ADCY1: variants seen among roughly 807,000 people sequenced by gnomAD.
ADCY1 encodes the protein adenylate cyclase type 1.
ADCY1 carries 28 observed loss-of-function variants against 105.4 expected under a neutral mutation model. The observed-to-expected ratio is 0.27, with a 90% CI of 0.20 to 0.36. The LOEUF is 0.36. Among genes scored for constraint, ADCY1 ranks in the 10% least tolerant of loss-of-function variants. ADCY1 has a pLI of 1.00. For synonymous variants in ADCY1, 655 were observed against 623.8 expected (o/e 1.05, Z -0.75); for missense variants, 977 against 1,434.2 (o/e 0.68, Z 5.15).
At chr7:45,643,441 C>T (rs1327695375) in intron 4 of ADCY1, among the ~76,000 whole-genome samples, 1 of 151,860 alleles carries the variant, frequency 6.6e-6, no homozygotes, top group Non-Finnish European at 1.5e-5. Flanking sequence ...ATAACATTGC[C>T]AATATTATTT....
intron 17 of ADCY1, among the ~76,000 whole-genome samples, chr7:45,707,722 G>A (rs745768971): frequency 2.0e-5 from 3 of 152,112 alleles, no homozygotes; most frequent in Non-Finnish European, 4.4e-5. Context: ...GTCACACTTA[G>A]GTAAGATGTT....
chr7:45,692,521 T>A (rs1159906357), intron 14 of ADCY1, among the ~76,000 whole-genome samples: 1 of 152,174 alleles, frequency 6.6e-6, no homozygotes, highest in African/African-American at 2.4e-5. Context: ...CCCCTGAGGC[T>A]TAAAGGATGA....
intron 5 of ADCY1, among the ~76,000 whole-genome samples, chr7:45,653,852 A>G (rs1220164070): frequency 6.6e-5 from 10 of 152,192 alleles, no homozygotes; most frequent in Admixed American, 6.5e-4. Flanking sequence ...CTGGCCTACC[A>G]AAATGGCATT....
At chr7:45,632,792 A>G (rs762110624) in intron 4 of ADCY1, among the ~76,000 whole-genome samples, 23 of 151,472 alleles carry the variant, frequency 1.5e-4, no homozygotes, top group Non-Finnish European at 1.0e-4. Context: ...CTGGTCTCAA[A>G]CTCCTGAGCT....
chr7:45,713,742 T>A lies in ADCY1; in HGVS notation c.3107T>A (p.Val1036Glu). The change falls in exon 20 of 20, where the codon GTG becomes GAG. Residue 1036 changes from valine (V) to glutamate (E), a missense_variant. Transcript: ENST00000297323. ...CTGAGAAGGTGCCCCTACCACTTTG[T>A]GTGCCGAGGCAAAGTCAGTGTCAAG... ...RLLRRCPYHFVCRGKVSVKGK... is the reference protein window; with the variant it reads ...RLLRRCPYHFECRGKVSVKGK... The A allele has an allele frequency of 1.3e-6, 1 of 780,796 alleles. No homozygotes were observed. Among genetic ancestry groups the A allele is most frequent in the Admixed American group, 1.7e-5 (1 of 59,048 alleles). The allele number at this position is 780,796 out of a possible 1,614,324, so 48.4% of individuals were successfully genotyped here.
intron 5 of ADCY1, among the ~76,000 whole-genome samples, chr7:45,652,828 C>A (rs1426488987): frequency 2.6e-5 from 4 of 152,272 alleles, no homozygotes; most frequent in Admixed American, 2.6e-4. Context: ...GGGCCCCTAC[C>A]TTCCTCAGCC....
chr7:45,650,602 G>A (rs543245378), intron 5 of ADCY1, among the ~76,000 whole-genome samples: 75 of 152,300 alleles, frequency 4.9e-4, no homozygotes, highest in Middle Eastern at 3.4e-3. Context: ...GCCCTTGAAG[G>A]TTGGTGACCC....
In ADCY1 at chr7:45,719,617, A is replaced by G. The variant is rs1357804567; in HGVS notation, c.*5622A>G. On this transcript the variant is annotated 3_prime_UTR_variant, in exon 20 of 20. Transcript: ENST00000297323. ...TCCACTAGAGGCTGTGCTTAATTCA[A>G]ATCCATGTGTGTGCCTGCATTACAT... The G allele has an allele frequency of 6.6e-6, 1 of 152,224 alleles. No homozygotes were observed. The highest frequency in any genetic ancestry group is 1.5e-5 in the Non-Finnish European group (1 of 68,050). 9.4% of individuals were successfully genotyped at this position (152,224 alleles called of 1,614,324 possible). A position where few individuals can be genotyped will look rare whatever the true frequency, so the allele number is the denominator to read the frequency against.
chr7:45,694,897 C>G (rs2461123), intron 14 of ADCY1, among the ~76,000 whole-genome samples: 1 of 152,206 alleles, frequency 6.6e-6, no homozygotes, highest in Admixed American at 6.5e-5. Context: ...CCCTACAGTC[C>G]TTTGCCTAAC....
At chr7:45,582,992 G>A (rs1039286622) in intron 1 of ADCY1, among the ~76,000 whole-genome samples, 1 of 152,220 alleles carries the variant, frequency 6.6e-6, no homozygotes, top group South Asian at 2.1e-4. Flanking sequence ...TTTAGTGTTC[G>A]CTCTGCCTTC....
rs1274856401 is a variant in ADCY1 at position 45,721,453 on chromosome 7, T to G, written c.*7458T>G. The G allele has an allele frequency of 2.6e-6, 1 of 388,016 alleles. No individual in the cohort carries two copies. The highest frequency in any genetic ancestry group is 3.7e-5 in the East Asian group (1 of 27,326). 24.0% of individuals were successfully genotyped at this position (388,016 alleles called of 1,614,324 possible). A position where few individuals can be genotyped will look rare whatever the true frequency, so the allele number is the denominator to read the frequency against. On this transcript the variant is annotated 3_prime_UTR_variant, in exon 20 of 20. Coordinates refer to ENST00000297323, the MANE Select transcript of ADCY1 (RefSeq NM_021116.4). ...TATACAGAATCTCCTTAAGAGCTGT[T>G]GCCTTATTTTTTTGTAAAGCCTCTC...
intron 5 of ADCY1, among the ~76,000 whole-genome samples, chr7:45,653,348 T>A (rs1241094706): frequency 6.6e-6 from 1 of 152,210 alleles, no homozygotes; most frequent in Non-Finnish European, 1.5e-5. Context: ...TCCCAGCTGC[T>A]GCAGCCAGGC....
intron 14 of ADCY1, among the ~76,000 whole-genome samples, chr7:45,701,490 C>G (rs116361057): frequency 6.6e-6 from 1 of 152,248 alleles, no homozygotes; most frequent in Non-Finnish European, 1.5e-5. Flanking sequence ...CACTAAAATA[C>G]TATTAACATT....
intron 3 of ADCY1, among the ~76,000 whole-genome samples, chr7:45,614,084 G>A (rs1056461611): frequency 9.2e-5 from 14 of 152,158 alleles, no homozygotes; most frequent in African/African-American, 3.4e-4. Context: ...GATACTTATT[G>A]GTAAAGTTTT....
chr7:45,697,144 C>A (rs1282386908), intron 14 of ADCY1, among the ~76,000 whole-genome samples: 2 of 152,180 alleles, frequency 1.3e-5, no homozygotes, highest in Admixed American at 6.5e-5. Flanking sequence ...CCTACCCCCA[C>A]ATTTTATATT....
At chr7:45,659,600 C>A (rs781465798) in intron 6 of ADCY1, among the ~76,000 whole-genome samples, 8 of 152,184 alleles carry the variant, frequency 5.3e-5, no homozygotes, top group Non-Finnish European at 1.0e-4. Flanking sequence ...ACCGTGGCCA[C>A]CCCTGACTTC....
intron 19 of ADCY1, 30 bp from the exon 20 acceptor site, chr7:45,713,663 G>A: frequency 1.3e-6 from 1 of 768,142 alleles, no homozygotes; most frequent in East Asian, 2.4e-5. Context: ...TCATTGCCCT[G>A]AAGTAACACT....
intron 2 of ADCY1, among the ~76,000 whole-genome samples, chr7:45,600,591 G>A (rs1793202894): frequency 2.6e-5 from 4 of 152,268 alleles, no homozygotes. Context: ...ATGGGCAGAA[G>A]TCTGGAGGGA....
rs1429278112 is a variant in ADCY1 at position 45,708,076 on chromosome 7, C to G, written c.2818-274C>G. 6.6e-6 allele frequency among the ~76,000 whole-genome samples: 1 copy of G among 152,224 alleles called. No homozygotes were observed. Among genetic ancestry groups the G allele is most frequent in the Non-Finnish European group, 1.5e-5 (1 of 68,048 alleles). The stretch of plus-strand genomic sequence containing the variant: ...CGCTGTCCAAGCAGGAGTTTGAGCA[C>G]CTGGTCTCCCACTCAAAAGGGCTGC... On this transcript the variant is annotated intron_variant, in intron 17 of 19. Transcript: ENST00000297323. The surrounding 1 kb of genome is among the most constrained non-coding windows in gnomAD (Gnocchi z 4.7).
Sources: gnomAD v4.1 joint callset for allele counts (sites outside exome capture counted in the v4.1 genomes callset) on GRCh38, gnomAD v4.1.1 for gene constraint, Gnocchi (gnomAD v3.1) non-coding constraint, MANE v1.5 for transcripts, NCBI Gene and HGNC (gene_info 2026-07-23, HGNC 2026-07-21) for gene names.